TBL3: variants seen among roughly 807,000 people sequenced by gnomAD.
TBL3 encodes the protein transducin beta like 3.
TBL3 carries 71 observed loss-of-function variants against 102.7 expected under a neutral mutation model. The ratio of observed to expected loss-of-function variants is 0.69; its 90% CI spans 0.57 to 0.84. TBL3 has a LOEUF of 0.84. Among genes scored for constraint, TBL3 ranks in the 40% least tolerant of loss-of-function variants. TBL3 has a pLI of 0.00. For missense variants in TBL3, 1,188 were observed against 1,098.5 expected (o/e 1.08, Z -1.15); for synonymous variants, 578 against 477.7 (o/e 1.21, Z -2.74).
Position 1,977,762 on chromosome 16 carries a change from G to C in TBL3, c.1920G>C (p.Gln640His). The C allele has an allele frequency of 6.4e-7, 1 of 1,555,516 alleles. No homozygotes were observed. The highest frequency in any genetic ancestry group is 2.4e-5 in the East Asian group (1 of 41,318). ...ILWKDVTEAEQAEEQARQEEQ... is the reference protein window; with the variant it reads ...ILWKDVTEAEHAEEQARQEEQ... ...CCCAGGATGTGACCGAGGCGGAGCA[G>C]GCAGAGGAGCAGGCCAGGCAAGAGG... The change falls in exon 18 of 22, where the codon CAG becomes CAC. Residue 640 changes from glutamine (Q) to histidine (H), a missense_variant. Physicochemically the swap from Gln to His is conservative, Grantham distance 24 (BLOSUM62 0). Coordinates refer to ENST00000568546, the MANE Select transcript of TBL3 (RefSeq NM_006453.3).
chr16:1,972,102 C>T lies in TBL3; in HGVS notation c.-63C>T, dbSNP rs897810986. The T allele has an allele frequency of 2.1e-6, 3 of 1,461,210 alleles. No individual in the cohort carries two copies. Among genetic ancestry groups the T allele is most frequent in the African/African-American group, 3.0e-5 (2 of 67,284 alleles). 90.5% of individuals were successfully genotyped at this position (1,461,210 alleles called of 1,614,324 possible). A position where few individuals can be genotyped will look rare whatever the true frequency, so the allele number is the denominator to read the frequency against. On this transcript the variant is annotated 5_prime_UTR_variant, in exon 1 of 22. Transcript: ENST00000568546. ...CTGTGAAGAGTTCGGTGCTAACCTC[C>T]CTCACGCGGCGGTGGCTGCCGGGAC... is the stretch of plus-strand genomic sequence containing the variant.
In TBL3 at chr16:1,980,248, CCG is replaced by C; in HGVS notation, c.*1564_*1565del. The stretch of plus-strand genomic sequence containing the variant: ...GGAGGGTGAAACTGGGGGCGCCACC[CCG>C]GCAAGACCGCCAGCCTCCCACTCTC... On this transcript the variant is annotated 3_prime_UTR_variant, in exon 22 of 22. Coordinates refer to ENST00000568546, the MANE Select transcript of TBL3 (RefSeq NM_006453.3). 1 of 1,523,986 alleles carries C rather than the reference CCG, an allele frequency of 6.6e-7. No homozygotes were observed. The highest frequency in any genetic ancestry group is 8.8e-7 in the Non-Finnish European group (1 of 1,134,454). 94.4% of individuals were successfully genotyped at this position (1,523,986 alleles called of 1,614,324 possible).
chr16:1,973,124 G>C (rs2150881595), intron 1 of TBL3, among the ~76,000 whole-genome samples: 1 of 152,336 alleles, frequency 6.6e-6, no homozygotes, highest in African/African-American at 2.4e-5. Context: ...TGTTCTGAAA[G>C]GTACCTGGCA....
Position 1,981,460 on chromosome 16 carries a change from G to C in TBL3, c.*2775G>C, listed in dbSNP as rs561211825. ...GAATGAGCTTTCCAGCCCTGGAGGC[G>C]TGCAAGACTGAAGAAGGGGCGAAGG... On this transcript the variant is annotated 3_prime_UTR_variant, in exon 22 of 22. Coordinates refer to ENST00000568546, the MANE Select transcript of TBL3 (RefSeq NM_006453.3). 6 of 670,644 alleles carry C rather than the reference G, an allele frequency of 8.9e-6. No homozygotes were observed. The East Asian group carries it at 1.6e-4, about 18-fold the overall frequency. The allele number at this position is 670,644 out of a possible 1,614,324, so 41.5% of individuals were successfully genotyped here.
chr16:1,979,665 G>T lies in TBL3; in HGVS notation c.*980G>T. The T allele has an allele frequency of 8.4e-7, 1 of 1,195,992 alleles. No individual in the cohort carries two copies. The highest frequency in any genetic ancestry group is 1.2e-6 in the Non-Finnish European group (1 of 854,950). 74.1% of individuals were successfully genotyped at this position (1,195,992 alleles called of 1,614,324 possible). On this transcript the variant is annotated 3_prime_UTR_variant, in exon 22 of 22. Transcript: ENST00000568546. Reference sequence around the variant, plus strand: ...CGGGGCCGCTCTAAGACCGGTTCGGGGCTTCCTCTAGGTGCGGAGACCAAG... The same window carrying T: ...CGGGGCCGCTCTAAGACCGGTTCGGTGCTTCCTCTAGGTGCGGAGACCAAG...
rs758370643 is a variant in TBL3 at position 1,978,300 on chromosome 16, C to T, written c.2135-13C>T. 3 of 1,609,928 alleles carry T rather than the reference C, an allele frequency of 1.9e-6. No individual in the cohort carries two copies. The highest frequency in any genetic ancestry group is 2.2e-5 in the East Asian group (1 of 44,818). On this transcript the variant is annotated splice_polypyrimidine_tract_variant and intron_variant, in intron 20 of 21. Coordinates refer to ENST00000568546, the MANE Select transcript of TBL3 (RefSeq NM_006453.3). Reference sequence around the variant, plus strand: ...TTGGCTGGGCAAGACGATGAGGGTCCTGTTGCCCACAGAGGCCCTGCTGCG... The same window carrying T: ...TTGGCTGGGCAAGACGATGAGGGTCTTGTTGCCCACAGAGGCCCTGCTGCG...
chr16:1,975,833 T>G lies in TBL3; in HGVS notation c.1013T>G (p.Leu338Trp), dbSNP rs778999724. 1 of 1,614,068 alleles carries G rather than the reference T, an allele frequency of 6.2e-7. No homozygotes were observed. Among genetic ancestry groups the G allele is most frequent in the African/African-American group, 1.3e-5 (1 of 74,944 alleles). The stretch of plus-strand genomic sequence containing the variant: ...TTCGCTGGCTACAGTGAGGAGGTTT[T>G]GGATGTCCGGTTTCTTGGGCCCGAG... ...KQFAGYSEEV[L>W]DVRFLGPEDS... Residue 338 changes from leucine to tryptophan, a missense_variant, in exon 11 of 22, where the codon TTG (leucine) becomes TGG (tryptophan). By Grantham distance (61) the Leu-to-Trp change is moderately conservative. Coordinates refer to ENST00000568546, the MANE Select transcript of TBL3 (RefSeq NM_006453.3).
rs2083449579 is a variant in TBL3, at chr16:1,979,420, C to T, written c.*735C>T. 6.2e-7 allele frequency: 1 copy of T among 1,606,870 alleles called. No homozygotes were observed. The highest frequency in any genetic ancestry group is 8.5e-7 in the Non-Finnish European group (1 of 1,178,578). On this transcript the variant is annotated 3_prime_UTR_variant, in exon 22 of 22. Transcript: ENST00000568546. ...CCTGCCCTGCCCACGCCCGCTCCCG[C>T]GTACCTGCATAGCCACCAGCCGCGG...
In TBL3 at chr16:1,980,079, G is replaced by C. The variant is rs78868281; in HGVS notation, c.*1394G>C. The C allele has an allele frequency of 5.0e-5, 81 of 1,607,924 alleles. No homozygotes were observed. In the East Asian group the frequency reaches 1.7e-3, roughly 35 times the overall value. On this transcript the variant is annotated 3_prime_UTR_variant, in exon 22 of 22. Transcript: ENST00000568546. ...TATCCCGCGTGTCCTGGGTACAGAAGGGCTGCAGGCAGCGCAGGCTCTGAG... is the reference window on the plus strand; with the variant it reads ...TATCCCGCGTGTCCTGGGTACAGAACGGCTGCAGGCAGCGCAGGCTCTGAG...
At position 1,975,546 on chromosome 16, in the gene TBL3, G is replaced by A. The variant is rs755420848; in HGVS notation, c.823G>A (p.Glu275Lys). The change falls in exon 10 of 22, where the codon GAG becomes AAG. Residue 275 changes from glutamate (E) to lysine (K), a missense_variant. Physicochemically the swap from Glu to Lys is moderately conservative, Grantham distance 56. Coordinates refer to ENST00000568546, the MANE Select transcript of TBL3 (RefSeq NM_006453.3). Reference protein sequence around the residue: ...AGDQGTLRVWEAASGQCVYTQ... With the variant: ...AGDQGTLRVWKAASGQCVYTQ... ...CCACACAGGCACTCTGCGCGTGTGG[G>A]AGGCAGCTTCTGGGCAGTGTGTGTA... 23 of 1,597,648 alleles carry A rather than the reference G, an allele frequency of 1.4e-5. No homozygotes were observed. Among genetic ancestry groups the A allele is most frequent in the East Asian group, 2.2e-5 (1 of 44,764 alleles).
rs548645258 is a variant in TBL3, at chr16:1,976,913, C to T, written c.1392C>T (p.Asn464=). Residue 464 remains asparagine, a synonymous_variant, in exon 14 of 22, where the codon AAC becomes AAT. Coordinates refer to ENST00000568546, the MANE Select transcript of TBL3 (RefSeq NM_006453.3). ...ALLSKNTAPD[N]GPILLQAQTT... ...TGTCCAAGAACACAGCCCCAGACAA[C>T]GGCCCTATCCTCCTGCAGGCCCAGA... is the stretch of plus-strand genomic sequence containing the variant. 80 of 1,613,980 alleles carry T rather than the reference C, an allele frequency of 5.0e-5. No individual in the cohort carries two copies. Among genetic ancestry groups the T allele is most frequent in the South Asian group, 7.7e-5 (7 of 91,078 alleles).
rs1419633868 is a variant in TBL3, at chr16:1,976,070, C to T, written c.1144C>T (p.Leu382=). 6.2e-7 allele frequency: 1 copy of T among 1,614,100 alleles called. No homozygotes were observed. Among genetic ancestry groups the T allele is most frequent in the Admixed American group, 1.7e-5 (1 of 60,004 alleles). The change falls in exon 12 of 22, where the codon CTG becomes TTG. Residue 382 remains leucine, a synonymous_variant. Transcript: ENST00000568546. ...CAACATCTCAGATATCGTCCTGGCCCTGGATGTGTTCCGGAAGGGGTGGCT... is the reference window on the plus strand; with the variant it reads ...CAACATCTCAGATATCGTCCTGGCCTTGGATGTGTTCCGGAAGGGGTGGCT... The part of the protein sequence containing the change: ...LHGHTDIVLA[L]DVFRKGWLFA...
At chr16:1,977,026 C>T (rs912067113) in intron 14 of TBL3, 28 bp from the exon 15 acceptor site, 1 of 1,612,338 alleles carries the variant, frequency 6.2e-7, no homozygotes, top group Non-Finnish European at 8.5e-7. Flanking sequence ...TGGGGGATTG[C>T]TGAGCCACCA....
rs375766077 is a variant in TBL3 at position 1,977,584 on chromosome 16, G to A, written c.1813G>A (p.Glu605Lys). The change falls in exon 17 of 22, where the codon GAG becomes AAG. Residue 605 changes from glutamate (E) to lysine (K), a missense_variant. Coordinates refer to ENST00000568546, the MANE Select transcript of TBL3 (RefSeq NM_006453.3). ...NECVRTLDAH[E>K]DKVWGLHCSR... ...GTGTGTGCGGACGCTGGATGCCCAC[G>A]AGGACAAGGTCTGGGGGCTGCACTG... The A allele has an allele frequency of 4.4e-6, 7 of 1,577,814 alleles. No homozygotes were observed. The highest frequency in any genetic ancestry group is 1.7e-4 in the Middle Eastern group (1 of 6,050).
rs111968775 is a variant in TBL3, at chr16:1,977,234, G to A, written c.1621G>A (p.Ala541Thr). 2 of 1,613,088 alleles carry A rather than the reference G, an allele frequency of 1.2e-6. No individual in the cohort carries two copies. The highest frequency in any genetic ancestry group is 1.7e-6 in the Non-Finnish European group (2 of 1,179,944). ...GGACCAGGTGCTGGCCACGGCCTCAGCTGATGGCACCATCAAGCTCTGGGC... is the reference window on the plus strand; with the variant it reads ...GGACCAGGTGCTGGCCACGGCCTCAACTGATGGCACCATCAAGCTCTGGGC... The part of the protein sequence containing the change: ...PMDQVLATAS[A>T]DGTIKLWALQ... The change falls in exon 15 of 22, where the codon GCT becomes ACT. Residue 541 changes from alanine (A) to threonine (T), a missense_variant. Coordinates refer to ENST00000568546, the MANE Select transcript of TBL3 (RefSeq NM_006453.3).
chr16:1,975,250 G>C lies in TBL3; in HGVS notation c.699G>C (p.Val233=), dbSNP rs2083391546. 1 of 1,613,936 alleles carries C rather than the reference G, an allele frequency of 6.2e-7. No individual in the cohort carries two copies. The highest frequency in any genetic ancestry group is 8.5e-7 in the Non-Finnish European group (1 of 1,180,026). Residue 233 remains valine, a synonymous_variant, in exon 8 of 22, where the codon GTG becomes GTC. Transcript: ENST00000568546. The part of the protein sequence containing the change: ...DLQSCQATRT[V]PVFESVEAAV... ...AGAGCTGCCAGGCCACGAGGACCGT[G>C]CCTGTGTTTGAGGTGGGGATGCCTG...
chr16:1,979,292 G>T lies in TBL3; in HGVS notation c.*607G>T. Reference sequence around the variant, plus strand: ...GGAACCCCGTCCCGCTCAGGAGAGCGCCCAGCCCTTCCGGCCGCAGCAGCA... The same window carrying T: ...GGAACCCCGTCCCGCTCAGGAGAGCTCCCAGCCCTTCCGGCCGCAGCAGCA... On this transcript the variant is annotated 3_prime_UTR_variant, in exon 22 of 22. Transcript: ENST00000568546. 1 of 1,561,664 alleles carries T rather than the reference G, an allele frequency of 6.4e-7. No homozygotes were observed.
In TBL3 at chr16:1,980,298, C is replaced by G; in HGVS notation, c.*1613C>G. ...CTCTGCCCCTATTCGCTGGCTGTTC[C>G]CCCCCACCCTGGACCTCTCCCAGCT... On this transcript the variant is annotated 3_prime_UTR_variant, in exon 22 of 22. Transcript: ENST00000568546. 2.6e-6 allele frequency: 4 copies of G among 1,532,616 alleles called. No individual in the cohort carries two copies. The highest frequency in any genetic ancestry group is 3.5e-6 in the Non-Finnish European group (4 of 1,141,502). 94.9% of individuals were successfully genotyped at this position (1,532,616 alleles called of 1,614,324 possible).
Position 1,979,506 on chromosome 16 carries a change from C to T in TBL3, c.*821C>T, listed in dbSNP as rs1262146960. 6.2e-7 allele frequency: 1 copy of T among 1,611,724 alleles called. No homozygotes were observed. Among genetic ancestry groups the T allele is most frequent in the African/African-American group, 1.3e-5 (1 of 74,916 alleles). On this transcript the variant is annotated 3_prime_UTR_variant, in exon 22 of 22. Transcript: ENST00000568546. ...GGGCACGGACAGCTCATCTGCGCGGCTGCTCTCGTAGGCGCGGGAAGCACA... is the reference window on the plus strand; with the variant it reads ...GGGCACGGACAGCTCATCTGCGCGGTTGCTCTCGTAGGCGCGGGAAGCACA...
Sources: gnomAD v4.1 joint callset for allele counts (sites outside exome capture counted in the v4.1 genomes callset) on GRCh38, gnomAD v4.1.1 for gene constraint, MANE v1.5 for transcripts, NCBI Gene and HGNC (gene_info 2026-07-23, HGNC 2026-07-21) for gene names.